Variants in ABHD17C observed in about 807,000 individuals in gnomAD.
The protein encoded by ABHD17C is alpha/beta hydrolase domain-containing protein 17C.
In ABHD17C, 11 loss-of-function variants were observed where a neutral mutation model predicts 27.9. That is an observed-to-expected ratio of 0.39 (90% CI 0.25 to 0.65). ABHD17C has a LOEUF of 0.65. ABHD17C is among the 30% of genes least tolerant of loss of function. ABHD17C has a pLI of 0.45. For missense variants in ABHD17C, 280 were observed against 470.2 expected (o/e 0.60, Z 3.74); for synonymous variants, 233 against 209.1 (o/e 1.11, Z -0.98).
chr15:80,715,673 C>T (rs1371714229), intron 1 of ABHD17C, among the ~76,000 whole-genome samples: 2 of 152,274 alleles, frequency 1.3e-5, no homozygotes, highest in East Asian at 1.9e-4. Flanking sequence ...ATCTTCAAAG[C>T]GCTTTCACGT....
intron 1 of ABHD17C, among the ~76,000 whole-genome samples, chr15:80,706,834 G>A (rs1293158812): frequency 1.3e-5 from 2 of 152,166 alleles, no homozygotes; most frequent in African/African-American, 2.4e-5. Flanking sequence ...TAACTCAAGG[G>A]TATTTCAGTT....
intron 1 of ABHD17C, among the ~76,000 whole-genome samples, chr15:80,698,525 C>G (rs1225782928): frequency 6.6e-6 from 1 of 152,202 alleles, no homozygotes; most frequent in East Asian, 1.9e-4. Flanking sequence ...GTTTAGTACT[C>G]TTGCGAGGGC....
At position 80,695,377 on chromosome 15, in the gene ABHD17C, G is replaced by GGCCA. The variant is rs929936066; in HGVS notation, c.-33_-30dup. On this transcript the variant is annotated 5_prime_UTR_variant, in exon 1 of 3. Coordinates refer to ENST00000258884, the MANE Select transcript of ABHD17C (RefSeq NM_021214.2). The surrounding 1 kb of genome is among the most constrained non-coding windows in gnomAD (Gnocchi z 4.3). ...CGCGCGTCCGTCCTCCGTCCTCCCG[G>GGCCA]GCCAGCCAGCCAGCCAGCCAGCCGG... 221 of 1,140,746 alleles carry GGCCA rather than the reference G, an allele frequency of 1.9e-4. No homozygotes were observed. The highest frequency in any genetic ancestry group is 4.3e-4 in the African/African-American group (26 of 60,434). The allele number at this position is 1,140,746 out of a possible 1,614,324, so 70.7% of individuals were successfully genotyped here.
At chr15:80,703,845 G>T (rs753650365) in intron 1 of ABHD17C, among the ~76,000 whole-genome samples, 41 of 152,274 alleles carry the variant, frequency 2.7e-4, no homozygotes, top group Middle Eastern at 3.4e-3. Flanking sequence ...ACCCCCAGTG[G>T]ATGCCTGAGC....
chr15:80,700,185 A>G (rs1894551629), intron 1 of ABHD17C, among the ~76,000 whole-genome samples: 1 of 152,224 alleles, frequency 6.6e-6, no homozygotes. Context: ...GAACAGTTTT[A>G]GACTGTGTGT....
intron 1 of ABHD17C, among the ~76,000 whole-genome samples, chr15:80,708,178 A>G (rs1170607231): frequency 6.6e-6 from 1 of 151,710 alleles, no homozygotes; most frequent in Non-Finnish European, 1.5e-5. Flanking sequence ...TTCTATTACT[A>G]TTTCCTCTGT....
intron 1 of ABHD17C, among the ~76,000 whole-genome samples, chr15:80,710,984 T>C (rs1894721365): frequency 6.6e-6 from 1 of 151,944 alleles, no homozygotes; most frequent in South Asian, 2.1e-4. Context: ...GACCTTTAAG[T>C]GGAGATGTAG....
rs1895419730 is a variant in ABHD17C at position 80,755,431 on chromosome 15, C to G, written c.*1061C>G. ...GGAGATGCTTAACATTGCTATACTA[C>G]TTGTGTTGGTTAGGGGTTTGGATTT... On this transcript the variant is annotated 3_prime_UTR_variant, in exon 3 of 3. Transcript: ENST00000258884. 6.6e-6 allele frequency: 1 copy of G among 152,110 alleles called. No individual in the cohort carries two copies. The highest frequency in any genetic ancestry group is 2.4e-5 in the African/African-American group (1 of 41,426). The allele number at this position is 152,110 out of a possible 1,614,324, so 9.4% of individuals were successfully genotyped here.
intron 1 of ABHD17C, among the ~76,000 whole-genome samples, chr15:80,728,146 G>A (rs73500842): frequency 0.029 from 4,381 of 152,278 alleles, 225 homozygotes; most frequent in African/African-American, 0.1. Context: ...ATTAGAGATA[G>A]GGTATGTAGA....
At chr15:80,722,015 A>G (rs1007248465) in intron 1 of ABHD17C, among the ~76,000 whole-genome samples, 1 of 152,020 alleles carries the variant, frequency 6.6e-6, no homozygotes. Context: ...TTTTAGTTGC[A>G]TGCTAATTTT....
chr15:80,715,277 T>A (rs908317147), intron 1 of ABHD17C, among the ~76,000 whole-genome samples: 6 of 152,236 alleles, frequency 3.9e-5, no homozygotes, highest in Non-Finnish European at 8.8e-5. Flanking sequence ...TCTGACCACT[T>A]TACCATTTTT....
intron 1 of ABHD17C, among the ~76,000 whole-genome samples, chr15:80,700,929 A>G (rs1894562847): frequency 7.7e-6 from 1 of 130,444 alleles, no homozygotes; most frequent in South Asian, 2.2e-4. Context: ...AAAACCCCAA[A>G]CTGTTAAACA....
chr15:80,750,674 G>A (rs897537088), intron 2 of ABHD17C, among the ~76,000 whole-genome samples: 1 of 152,140 alleles, frequency 6.6e-6, no homozygotes, highest in Admixed American at 6.5e-5. Flanking sequence ...TTTGTACCAG[G>A]ATTCAATGAG....
intron 1 of ABHD17C, among the ~76,000 whole-genome samples, chr15:80,735,849 A>G (rs751151972): frequency 2.2e-5 from 3 of 137,766 alleles, no homozygotes; most frequent in Admixed American, 2.1e-4. Flanking sequence ...TTTGAATCTC[A>G]TTTCCTTCAT....
At chr15:80,701,710 GT>G (rs1214055408) in intron 1 of ABHD17C, among the ~76,000 whole-genome samples, 1 of 151,784 alleles carries the variant, frequency 6.6e-6, no homozygotes, top group African/African-American at 2.4e-5. Context: ...TATGAATACT[GT>G]TTGACATAAG....
intron 1 of ABHD17C, among the ~76,000 whole-genome samples, chr15:80,745,880 T>A (rs918130835): frequency 3.3e-5 from 5 of 152,260 alleles, no homozygotes; most frequent in African/African-American, 9.6e-5. Context: ...CTTAGGGCTG[T>A]CTCTGTGTAG....
chr15:80,716,975 C>T (rs1567033187), intron 1 of ABHD17C, among the ~76,000 whole-genome samples: 2 of 152,158 alleles, frequency 1.3e-5, no homozygotes, highest in Non-Finnish European at 2.9e-5. Context: ...CTCATCTCGC[C>T]AGTTAATGAG....
chr15:80,716,829 T>C (rs1013237946), intron 1 of ABHD17C, among the ~76,000 whole-genome samples: 2 of 152,230 alleles, frequency 1.3e-5, no homozygotes, highest in Non-Finnish European at 2.9e-5. Flanking sequence ...ATTCTTTGTA[T>C]AAGGTATTTC....
Position 80,722,495 on chromosome 15 carries a change from C to T in ABHD17C, c.590+26476C>T, listed in dbSNP as rs1894910381. Among the ~76,000 whole-genome samples, 2 of 151,938 alleles carry T rather than the reference C, an allele frequency of 1.3e-5. 1 individual carries two copies. Among genetic ancestry groups the T allele is most frequent in the Admixed American group, 1.3e-4 (2 of 15,250 alleles). On this transcript the variant is annotated intron_variant, in intron 1 of 2. Transcript: ENST00000258884. ...CTATGAAACCATCAAACTGTCATCA[C>T]TGTTGTTGCCATAAACTTATCCATC...
Sources: allele counts gnomAD v4.1 joint callset (sites outside exome capture counted in the v4.1 genomes callset), GRCh38; gene constraint gnomAD v4.1.1; non-coding constraint Gnocchi (gnomAD v3.1); transcripts MANE v1.5; gene names NCBI Gene and HGNC (gene_info 2026-07-23, HGNC 2026-07-21).